KHDRBS2: variants seen among roughly 807,000 people sequenced by gnomAD.
KHDRBS2 encodes the protein KH domain-containing, RNA-binding, signal transduction-associated protein 2.
A neutral mutation model predicts 44.3 loss-of-function variants in KHDRBS2; 26 were observed. That is an observed-to-expected ratio of 0.59 (90% CI 0.43 to 0.81). KHDRBS2 has a LOEUF of 0.81. KHDRBS2 is among the 40% of genes least tolerant of loss of function. KHDRBS2 has a pLI of 0.00. For missense variants in KHDRBS2, 476 were observed against 433.1 expected (o/e 1.10, Z -0.88); for synonymous variants, 194 against 151.1 (o/e 1.28, Z -2.08).
chr6:61,716,830 G>C (rs1423929485), intron 7 of KHDRBS2, among the ~76,000 whole-genome samples: 1 of 152,014 alleles, frequency 6.6e-6, no homozygotes, highest in East Asian at 1.9e-4. Flanking sequence ...TTAATGCTGG[G>C]CTTTTTGCAA....
At chr6:61,911,432 T>C (rs1806032984) in intron 4 of KHDRBS2, among the ~76,000 whole-genome samples, 1 of 152,166 alleles carries the variant, frequency 6.6e-6, no homozygotes, top group South Asian at 2.1e-4. Context: ...TGTAATGTAA[T>C]GGTAAACAAC....
chr6:61,781,442 A>G (rs1004220438), intron 6 of KHDRBS2, among the ~76,000 whole-genome samples: 1 of 152,166 alleles, frequency 6.6e-6, no homozygotes. Context: ...TGTGTAGACA[A>G]CTCCATGCCA....
intron 2 of KHDRBS2, among the ~76,000 whole-genome samples, chr6:62,059,682 C>G (rs1308842225): frequency 6.6e-6 from 1 of 151,542 alleles, no homozygotes; most frequent in Non-Finnish European, 1.5e-5. Context: ...ACCTAGCAAT[C>G]ATGTATGGGT....
the KHDRBS2 span, among the ~76,000 whole-genome samples, chr6:61,563,727 C>A: frequency 6.6e-6 from 1 of 151,888 alleles, no homozygotes; most frequent in Non-Finnish European, 1.5e-5. Flanking sequence ...AATGTGTAGT[C>A]ATTAAGATAT....
intron 8 of KHDRBS2, among the ~76,000 whole-genome samples, chr6:61,692,995 C>A (rs1389324703): frequency 6.6e-6 from 1 of 151,992 alleles, no homozygotes; most frequent in Admixed American, 6.6e-5. Context: ...ACGATACGAC[C>A]ACAATGTAAC....
chr6:61,706,936 A>G (rs567622886), intron 7 of KHDRBS2, among the ~76,000 whole-genome samples: 1 of 151,612 alleles, frequency 6.6e-6, no homozygotes, highest in South Asian at 2.1e-4. Flanking sequence ...AGTAAAAAAC[A>G]AAAACAAAAA....
intron 6 of KHDRBS2, among the ~76,000 whole-genome samples, chr6:61,817,837 C>T (rs1464550573): frequency 6.6e-6 from 1 of 151,748 alleles, no homozygotes; most frequent in African/African-American, 2.4e-5. Context: ...CCAATTAACT[C>T]TGGCTCTATT....
intron 2 of KHDRBS2, among the ~76,000 whole-genome samples, chr6:62,087,313 T>A (rs2127360175): frequency 6.6e-6 from 1 of 152,054 alleles, no homozygotes; most frequent in Admixed American, 6.5e-5. Flanking sequence ...TATATTGGAG[T>A]TAAAGATAAA....
At chr6:62,063,324 C>A (rs370368473) in intron 2 of KHDRBS2, among the ~76,000 whole-genome samples, 3 of 150,906 alleles carry the variant, frequency 2.0e-5, no homozygotes, top group East Asian at 2.0e-4. Flanking sequence ...GAGACACAAC[C>A]GAACAAGAGA....
intron 2 of KHDRBS2, among the ~76,000 whole-genome samples, chr6:62,118,125 T>C (rs1320009450): frequency 6.6e-6 from 1 of 152,216 alleles, no homozygotes; most frequent in African/African-American, 2.4e-5. Flanking sequence ...GTTTCTTTCT[T>C]CTGCATACAA....
chr6:62,258,177 G>C lies in KHDRBS2; in HGVS notation c.91+27681C>G, dbSNP rs144088100. 2.5e-3 allele frequency among the ~76,000 whole-genome samples: 386 copies of C among 152,152 alleles called. 3 individuals are homozygous for C. The highest frequency in any genetic ancestry group is 8.5e-3 in the African/African-American group (353 of 41,546). ...TACTGTTCTAGGTGAGAAGAAACATGAGATGCAGTTGGGGGACCAGGAAGT... is the reference window on the plus strand; with the variant it reads ...TACTGTTCTAGGTGAGAAGAAACATCAGATGCAGTTGGGGGACCAGGAAGT... On this transcript the variant is annotated intron_variant, in intron 1 of 8. Coordinates refer to ENST00000281156, the MANE Select transcript of KHDRBS2 (RefSeq NM_152688.4).
At chr6:62,060,433 C>T (rs1470217084) in intron 2 of KHDRBS2, among the ~76,000 whole-genome samples, 16 of 151,654 alleles carry the variant, frequency 1.1e-4, no homozygotes, top group Admixed American at 1.1e-3. Context: ...AACATGACAG[C>T]AAAGGCTATA....
At chr6:62,069,492 A>G (rs1794500086) in intron 2 of KHDRBS2, among the ~76,000 whole-genome samples, 1 of 151,608 alleles carries the variant, frequency 6.6e-6, no homozygotes, top group Admixed American at 6.6e-5. Context: ...TTGCTTTCTG[A>G]GAGGACTTAC....
intron 4 of KHDRBS2, among the ~76,000 whole-genome samples, chr6:61,950,374 C>G (rs567984717): frequency 6.6e-6 from 1 of 152,108 alleles, no homozygotes; most frequent in East Asian, 1.9e-4. Flanking sequence ...TGAATTTCCT[C>G]AATTAAGATA....
At chr6:61,798,100 A>G (rs1387479447) in intron 6 of KHDRBS2, among the ~76,000 whole-genome samples, 3 of 152,066 alleles carry the variant, frequency 2.0e-5, no homozygotes, top group Admixed American at 6.6e-5. Flanking sequence ...GCACTCACTT[A>G]TAACTGAGAA....
intron 2 of KHDRBS2, among the ~76,000 whole-genome samples, chr6:62,088,022 T>A (rs1466897027): frequency 1.3e-5 from 2 of 152,236 alleles, no homozygotes; most frequent in Non-Finnish European, 2.9e-5. Flanking sequence ...GAAGTTCTCA[T>A]GCTGTGTTTT....
intron 6 of KHDRBS2, among the ~76,000 whole-genome samples, chr6:61,852,748 C>A (rs1795634647): frequency 6.6e-6 from 1 of 152,072 alleles, no homozygotes; most frequent in South Asian, 2.1e-4. Flanking sequence ...ATAAACTATA[C>A]AATGGCTTAG....
rs146527991 is a variant in KHDRBS2 at position 61,762,021 on chromosome 6, T to C, written c.811-29257A>G. On this transcript the variant is annotated intron_variant, in intron 6 of 8. Transcript: ENST00000281156. ...ATAAGAATGAAAATTCTTGGTGTTT[T>C]TCATTGCAAATGAGCAATATTTAGA... Among the ~76,000 whole-genome samples, 200 of 152,306 alleles carry C rather than the reference T, an allele frequency of 1.3e-3. 1 individual carries two copies. Among genetic ancestry groups the C allele is most frequent in the Non-Finnish European group, 2.2e-3 (150 of 68,018 alleles).
At position 61,818,266 on chromosome 6, in the gene KHDRBS2, T is replaced by TAAAAAAA. The variant is rs60399147; in HGVS notation, c.810+76362_810+76368dup. ...ATTGGGCAGAGAAAACCTCTGTAAG[T>TAAAAAAA]AAAAAAAAAAAAAAAAAGGATAGTA... On this transcript the variant is annotated intron_variant, in intron 6 of 8. Transcript: ENST00000281156. Among the ~76,000 whole-genome samples, 763 of 114,342 alleles carry TAAAAAAA rather than the reference T, an allele frequency of 6.7e-3. 16 individuals are homozygous for TAAAAAAA. The highest frequency in any genetic ancestry group is 0.023 in the African/African-American group (725 of 31,768). 75.0% of individuals were successfully genotyped at this position (114,342 alleles called of 152,430 possible).
Sources: allele counts gnomAD v4.1 joint callset (sites outside exome capture counted in the v4.1 genomes callset), GRCh38; gene constraint gnomAD v4.1.1; transcripts MANE v1.5; gene names NCBI Gene and HGNC (gene_info 2026-07-23, HGNC 2026-07-21).